CADM2: variants seen among roughly 807,000 people sequenced by gnomAD.
CADM2 encodes cell adhesion molecule 2.
A neutral mutation model predicts 49.8 loss-of-function variants in CADM2; 12 were observed. That is an observed-to-expected ratio of 0.24 (90% CI 0.15 to 0.39). CADM2 has a LOEUF of 0.39. Ranked by LOEUF, CADM2 falls within the 10% of genes least tolerant of loss-of-function variation. The pLI is 1.00. For missense variants in CADM2, 378 were observed against 492.3 expected (o/e 0.77, Z 2.20); for synonymous variants, 214 against 175.4 (o/e 1.22, Z -1.74).
chr3:85,173,677 T>C lies in CADM2; in HGVS notation c.61+214009T>C, dbSNP rs147938904. ...CTTTATTTTATTTAAAGAAAATCCATTGAAGCATGAGAGAATGATGCAATC... is the reference window on the plus strand; with the variant it reads ...CTTTATTTTATTTAAAGAAAATCCACTGAAGCATGAGAGAATGATGCAATC... On this transcript the variant is annotated intron_variant, in intron 1 of 9. Transcript: ENST00000383699. Among the ~76,000 whole-genome samples, 483 of 152,286 alleles carry C rather than the reference T, an allele frequency of 3.2e-3. 6 individuals are homozygous for C. Among genetic ancestry groups the C allele is most frequent in the East Asian group, 6.0e-3 (31 of 5,174 alleles).
At chr3:85,850,410 C>T (rs140168224) in intron 3 of CADM2, among the ~76,000 whole-genome samples, 4,510 of 150,872 alleles carry the variant, frequency 0.03, 220 homozygotes, top group African/African-American at 0.1. Context: ...CTGCAAGCTC[C>T]GCCTCCCGGG....
intron 1 of CADM2, among the ~76,000 whole-genome samples, chr3:85,356,894 G>A (rs754067046): frequency 6.6e-6 from 1 of 152,020 alleles, no homozygotes; most frequent in Non-Finnish European, 1.5e-5. Context: ...AAAATCTGCA[G>A]CATTTATTTA....
At chr3:84,979,287 AG>A (rs920428060) in intron 1 of CADM2, among the ~76,000 whole-genome samples, 2 of 152,316 alleles carry the variant, frequency 1.3e-5, no homozygotes, top group Non-Finnish European at 2.9e-5. Context: ...CTTTAAAAAT[AG>A]GTTTGCTGCT....
chr3:85,520,736 A>G (rs1249988951), intron 1 of CADM2, among the ~76,000 whole-genome samples: 1 of 152,112 alleles, frequency 6.6e-6, no homozygotes, highest in African/African-American at 2.4e-5. Flanking sequence ...AAAGAAATAC[A>G]TTAATTAAAA....
intron 1 of CADM2, among the ~76,000 whole-genome samples, chr3:85,239,955 A>G (rs754414966): frequency 4.6e-5 from 7 of 151,458 alleles, no homozygotes; most frequent in Non-Finnish European, 1.0e-4. Flanking sequence ...TTAATAAGTT[A>G]TAATATTTAA....
At chr3:85,785,648 C>G (rs2070936759) in intron 2 of CADM2, among the ~76,000 whole-genome samples, 1 of 151,954 alleles carries the variant, frequency 6.6e-6, no homozygotes, top group Non-Finnish European at 1.5e-5. Context: ...CCTGGGACTC[C>G]TTGAAATGCT....
intron 8 of CADM2, among the ~76,000 whole-genome samples, chr3:86,044,491 CA>C (rs1736386228): frequency 6.6e-6 from 1 of 152,148 alleles, no homozygotes; most frequent in Admixed American, 6.5e-5. Context: ...CAGAAAAATG[CA>C]AATCAAAACC....
intron 8 of CADM2, among the ~76,000 whole-genome samples, chr3:86,000,019 A>G (rs938095869): frequency 4.6e-5 from 7 of 152,218 alleles, no homozygotes; most frequent in African/African-American, 1.4e-4. Flanking sequence ...CTGACAAAAT[A>G]AAGCCACTAA....
At chr3:85,045,062 T>C (rs574541382) in intron 1 of CADM2, among the ~76,000 whole-genome samples, 72 of 152,242 alleles carry the variant, frequency 4.7e-4, no homozygotes, top group Middle Eastern at 3.4e-3. Flanking sequence ...TTGTTTATTG[T>C]TGGTTTCCAG....
At chr3:85,933,690 C>CT (rs1388192497) in intron 6 of CADM2, among the ~76,000 whole-genome samples, 1 of 152,106 alleles carries the variant, frequency 6.6e-6, no homozygotes, top group Non-Finnish European at 1.5e-5. Context: ...TAGTTCCACT[C>CT]TGAGTCTAAT....
intron 8 of CADM2, among the ~76,000 whole-genome samples, chr3:86,005,855 C>T (rs1049916714): frequency 3.9e-5 from 6 of 152,226 alleles, no homozygotes; most frequent in Non-Finnish European, 8.8e-5. Context: ...TCACCTCCCC[C>T]GCAACCCCCC....
intron 1 of CADM2, among the ~76,000 whole-genome samples, chr3:85,589,975 AAAAAGAAAC>A (rs1163414459): frequency 2.0e-5 from 3 of 152,038 alleles, no homozygotes; most frequent in African/African-American, 7.2e-5. Flanking sequence ...AGGTATAAGC[AAAAAGAAAC>A]AGATATACAG....
At chr3:85,239,459 A>C (rs1333317424) in intron 1 of CADM2, among the ~76,000 whole-genome samples, 1 of 151,748 alleles carries the variant, frequency 6.6e-6, no homozygotes, top group East Asian at 1.9e-4. Context: ...AAACTGCTTT[A>C]CTGATTAAAG....
chr3:85,219,575 G>C (rs1342956489), intron 1 of CADM2, among the ~76,000 whole-genome samples: 1 of 152,122 alleles, frequency 6.6e-6, no homozygotes, highest in Non-Finnish European at 1.5e-5. Context: ...CAGTGAATAT[G>C]CCTTAAAAGC....
chr3:85,145,506 TA>T (rs1349655831), intron 1 of CADM2, among the ~76,000 whole-genome samples: 2 of 151,858 alleles, frequency 1.3e-5, no homozygotes, highest in Non-Finnish European at 2.9e-5. Flanking sequence ...TGGTGAAGAA[TA>T]GGGGCATTTT....
At chr3:85,691,988 G>C (rs912813398) in intron 1 of CADM2, among the ~76,000 whole-genome samples, 1 of 152,116 alleles carries the variant, frequency 6.6e-6, no homozygotes, top group African/African-American at 2.4e-5. Context: ...GGTGGGAGAA[G>C]GGGGGAGGGA....
rs979538438 is a variant in CADM2, at chr3:85,972,781, G to A, written c.970+11134G>A. Among the ~76,000 whole-genome samples, 8 of 151,758 alleles carry A rather than the reference G, an allele frequency of 5.3e-5. No individual in the cohort carries two copies. In the East Asian group the frequency reaches 7.8e-4, roughly 15 times the overall value. On this transcript the variant is annotated intron_variant, in intron 8 of 9. Coordinates refer to ENST00000383699, the MANE Select transcript of CADM2 (RefSeq NM_001167675.2). ...CACTCTTCAGTTTATTGTATACAGCGCTTGTTGGAAGTGATTTCCTTTTGA... is the reference window on the plus strand; with the variant it reads ...CACTCTTCAGTTTATTGTATACAGCACTTGTTGGAAGTGATTTCCTTTTGA...
chr3:85,881,348 T>G (rs1453710475), intron 3 of CADM2, among the ~76,000 whole-genome samples: 1 of 152,138 alleles, frequency 6.6e-6, no homozygotes, highest in Admixed American at 6.6e-5. Flanking sequence ...GCTTAAAAAT[T>G]TTTGTCAAAA....
chr3:85,878,317 T>C (rs1409957152), intron 3 of CADM2, among the ~76,000 whole-genome samples: 1 of 152,124 alleles, frequency 6.6e-6, no homozygotes, highest in East Asian at 1.9e-4. Flanking sequence ...CATATTTAAG[T>C]AACTTGCTCA....
Sources: gnomAD v4.1 joint callset for allele counts (sites outside exome capture counted in the v4.1 genomes callset) on GRCh38, gnomAD v4.1.1 for gene constraint, MANE v1.5 for transcripts, NCBI Gene and HGNC (gene_info 2026-07-23, HGNC 2026-07-21) for gene names.